GALM: variants seen among roughly 807,000 people sequenced by gnomAD.
GALM encodes the protein aldose 1-epimerase.
Under a neutral mutation model 37.4 loss-of-function variants are expected in GALM, and 43 were observed. The observed-to-expected ratio is 1.15, with a 90% CI of 0.90 to 1.48. The LOEUF is 1.48. Among genes scored for constraint, GALM ranks in the 40% most tolerant of loss-of-function variants. GALM has a pLI of 0.00. For synonymous variants in GALM, 199 were observed against 170.6 expected (o/e 1.17, Z -1.30); for missense variants, 456 against 419.1 (o/e 1.09, Z -0.77).
intron 1 of GALM, among the ~76,000 whole-genome samples, chr2:38,674,704 A>T (rs577022709): frequency 6.6e-6 from 1 of 152,204 alleles, no homozygotes; most frequent in Non-Finnish European, 1.5e-5. Context: ...AAGAGAAAGA[A>T]TAAGATCGCT....
chr2:38,709,567 AC>A (rs1400403650), intron 4 of GALM, among the ~76,000 whole-genome samples: 1 of 151,936 alleles, frequency 6.6e-6, no homozygotes. Flanking sequence ...AAAAAAAAAA[AC>A]ATAAGACAAA....
chr2:38,720,092 G>T (rs1397099654), intron 4 of GALM, among the ~76,000 whole-genome samples: 2 of 151,984 alleles, frequency 1.3e-5, no homozygotes, highest in Non-Finnish European at 2.9e-5. Context: ...CACACTTGTA[G>T]TCCTAGCTAC....
chr2:38,718,582 T>C (rs1053997823), intron 4 of GALM, among the ~76,000 whole-genome samples: 2 of 151,930 alleles, frequency 1.3e-5, no homozygotes, highest in Non-Finnish European at 2.9e-5. Context: ...AGGAAGTCTA[T>C]GTCAGATTTC....
At chr2:38,722,329 G>A (rs1014038615) in intron 4 of GALM, among the ~76,000 whole-genome samples, 2 of 151,810 alleles carry the variant, frequency 1.3e-5, no homozygotes, top group Non-Finnish European at 1.5e-5. Flanking sequence ...CTGTCATCAT[G>A]CAGTTTCTGG....
In GALM at chr2:38,716,921, G is replaced by A. The variant is rs373780068; in HGVS notation, c.635-12635G>A. ...TCTAATGAAAATGACAGTGTGCTCT[G>A]GAGGCAGAAATGCACCTTCCTTTTT... On this transcript the variant is annotated intron_variant, in intron 4 of 6. Coordinates refer to ENST00000272252, the MANE Select transcript of GALM (RefSeq NM_138801.3). 8.6e-4 allele frequency among the ~76,000 whole-genome samples: 131 copies of A among 152,250 alleles called. 3 individuals are homozygous for A. The South Asian group carries it at 0.027, about 31-fold the overall frequency.
chr2:38,681,193 G>A (rs1018875060), intron 2 of GALM, 87 bp from the exon 3 acceptor site: 2 of 1,058,054 alleles, frequency 1.9e-6, no homozygotes, highest in African/African-American at 1.6e-5. Flanking sequence ...CATTTTCCTT[G>A]TGAAATCAGT....
At chr2:38,673,711 G>A (rs1044782411) in intron 1 of GALM, among the ~76,000 whole-genome samples, 1 of 151,782 alleles carries the variant, frequency 6.6e-6, no homozygotes, top group Non-Finnish European at 1.5e-5. Flanking sequence ...TCGGGAGGCT[G>A]AGGCAGGAGA....
chr2:38,724,259 C>A (rs1666440219), intron 4 of GALM, among the ~76,000 whole-genome samples: 1 of 152,022 alleles, frequency 6.6e-6, no homozygotes, highest in Non-Finnish European at 1.5e-5. Context: ...AGATTCATCT[C>A]TATATTTTAT....
chr2:38,694,678 C>T (rs535797337), intron 4 of GALM, among the ~76,000 whole-genome samples: 489 of 152,012 alleles, frequency 3.2e-3, no homozygotes, highest in African/African-American at 6.1e-3. Context: ...GGATGGATCA[C>T]GAGGTCAGGA....
chr2:38,725,716 T>C (rs1666473002), intron 4 of GALM, among the ~76,000 whole-genome samples: 1 of 151,892 alleles, frequency 6.6e-6, no homozygotes, highest in African/African-American at 2.4e-5. Context: ...CTTTTTTTTG[T>C]TTTGTTTTGT....
At chr2:38,718,881 A>G (rs935035182) in intron 4 of GALM, among the ~76,000 whole-genome samples, 1 of 151,876 alleles carries the variant, frequency 6.6e-6, no homozygotes, top group South Asian at 2.1e-4. Flanking sequence ...TGAGAAATTA[A>G]AAGCTTTTAA....
At chr2:38,709,831 G>T (rs1666113002) in intron 4 of GALM, among the ~76,000 whole-genome samples, 1 of 152,228 alleles carries the variant, frequency 6.6e-6, no homozygotes, top group Non-Finnish European at 1.5e-5. Flanking sequence ...TTCTAGAGAT[G>T]ATTTACGAAG....
At chr2:38,705,898 C>T (rs34558770) in intron 4 of GALM, among the ~76,000 whole-genome samples, 12,264 of 152,082 alleles carry the variant, frequency 0.081, 789 homozygotes, top group East Asian at 0.34. Context: ...AGTGCAGTGG[C>T]GCAACCTCCC....
chr2:38,693,159 A>T lies in GALM; in HGVS notation c.634+3265A>T, dbSNP rs149543002. Among the ~76,000 whole-genome samples the T allele has an allele frequency of 4.3e-3, 653 of 152,300 alleles. 2 individuals are homozygous for T. Among genetic ancestry groups the T allele is most frequent in the African/African-American group, 0.015 (624 of 41,556 alleles). ...TCTGCCAGAGCTGGACTGAACCACA[A>T]GGCCACTTTCCTGAGACGTGCTACA... is the stretch of plus-strand genomic sequence containing the variant. On this transcript the variant is annotated intron_variant, in intron 4 of 6. Transcript: ENST00000272252.
chr2:38,698,376 C>T (rs560352364), intron 4 of GALM: 23 of 1,304,584 alleles, frequency 1.8e-5, no homozygotes, highest in Middle Eastern at 4.3e-4. Flanking sequence ...GTGGCACCAA[C>T]AGAAGGTTTC....
chr2:38,713,351 G>A (rs1295322835), intron 4 of GALM, among the ~76,000 whole-genome samples: 1 of 152,076 alleles, frequency 6.6e-6, no homozygotes, highest in African/African-American at 2.4e-5. Context: ...TGATCCTAAC[G>A]GCAGATCTAG....
In GALM at chr2:38,729,617, A is replaced by G. The variant is rs369381673; in HGVS notation, c.696A>G (p.Lys232=). Residue 232 remains lysine (K), a synonymous_variant, in exon 5 of 7, where the codon AAA becomes AAG. Transcript: ENST00000272252. Reference sequence around the variant, plus strand: ...TGAGAAAGCCAGTGGAGCTTGGAAAACACCTGCAGGACTTCCATCTCAATG... The same window carrying G: ...TGAGAAAGCCAGTGGAGCTTGGAAAGCACCTGCAGGACTTCCATCTCAATG... ...FDLRKPVELG[K]HLQDFHLNGF... The G allele has an allele frequency of 3.7e-6, 6 of 1,613,260 alleles. No individual in the cohort carries two copies. In the African/African-American group the frequency reaches 8.0e-5, roughly 22 times the overall value.
At chr2:38,700,642 G>A (rs1032329037) in intron 4 of GALM, among the ~76,000 whole-genome samples, 2 of 152,040 alleles carry the variant, frequency 1.3e-5, no homozygotes, top group Non-Finnish European at 2.9e-5. Flanking sequence ...TTTCTTGTAG[G>A]CAACCGTAGT....
chr2:38,675,631 C>T (rs1045366791), intron 1 of GALM, among the ~76,000 whole-genome samples: 2 of 145,850 alleles, frequency 1.4e-5, no homozygotes, highest in African/African-American at 2.5e-5. Context: ...TGCAGTGGCG[C>T]GGTCTCGGCT....
Sources: allele counts gnomAD v4.1 joint callset (sites outside exome capture counted in the v4.1 genomes callset), GRCh38; gene constraint gnomAD v4.1.1; transcripts MANE v1.5; gene names NCBI Gene and HGNC (gene_info 2026-07-23, HGNC 2026-07-21).